The following AFF3 variants were observed in gnomAD, a reference collection of about 807,000 sequenced individuals.
AFF3 encodes the protein ALF transcription elongation factor 3.
A neutral mutation model predicts 129.7 loss-of-function variants in AFF3; 32 were observed. The observed-to-expected ratio is 0.25, with a 90% CI of 0.19 to 0.33. The LOEUF (loss-of-function observed/expected upper bound fraction) is 0.33, where lower values mean the gene tolerates loss of function less well. Ranked by LOEUF, AFF3 falls within the 10% of genes least tolerant of loss-of-function variation. AFF3 has a pLI of 1.00. For missense variants in AFF3, 1,373 were observed against 1,592.0 expected, an observed-to-expected ratio of 0.86 and a Z score of 2.34; for synonymous variants, 644 against 635.4, an observed-to-expected ratio of 1.01 and a Z score of -0.20.
chr2:99,559,013 C>T (rs1301141939), intron 21 of AFF3, 45 bp from the exon 22 acceptor site: 2 of 1,560,036 alleles, frequency 1.3e-6, no homozygotes, highest in East Asian at 2.2e-5. Context: ...CTGAGTGCGT[C>T]GTGCGCAAAC....
intron 8 of AFF3, among the ~76,000 whole-genome samples, chr2:99,779,927 G>A (rs952009410): frequency 2.0e-5 from 3 of 152,154 alleles, no homozygotes; most frequent in African/African-American, 4.8e-5. Context: ...TCACATGCAC[G>A]GAGAGAGTGT....
chr2:99,851,028 CATA>C (rs1005389330), intron 7 of AFF3, among the ~76,000 whole-genome samples: 41 of 152,284 alleles, frequency 2.7e-4, no homozygotes, highest in Middle Eastern at 3.4e-3. Context: ...TCCATAAAAA[CATA>C]ATGAGAAGAA....
chr2:99,709,540 C>G (rs1162985674), intron 11 of AFF3, among the ~76,000 whole-genome samples: 1 of 152,092 alleles, frequency 6.6e-6, no homozygotes, highest in Non-Finnish European at 1.5e-5. Flanking sequence ...AGATTTTTCT[C>G]TTGCAGTCAA....
chr2:100,114,838 C>T (rs1237729378), intron 2 of AFF3, among the ~76,000 whole-genome samples: 1 of 152,148 alleles, frequency 6.6e-6, no homozygotes. Flanking sequence ...TGAGTTCATT[C>T]CAAAATGAAA....
In AFF3 at chr2:99,679,363, G is replaced by A. The variant is rs116139030; in HGVS notation, c.1092-6774C>T. On this transcript the variant is annotated intron_variant, in intron 11 of 24. Coordinates refer to ENST00000672756, the MANE Select transcript of AFF3 (RefSeq NM_001386135.1). ...GTTTATGACCTTATTTTTAGTTAGGGACAGCAACTTCTGATGGTCCTTTTC... is the reference window on the plus strand; with the variant it reads ...GTTTATGACCTTATTTTTAGTTAGGAACAGCAACTTCTGATGGTCCTTTTC... Among the ~76,000 whole-genome samples the A allele has an allele frequency of 5.4e-3, 821 of 152,186 alleles. 5 individuals are homozygous for A. The highest frequency in any genetic ancestry group is 0.013 in the Admixed American group (195 of 15,284).
chr2:99,556,648 T>C lies in AFF3; in HGVS notation c.3286-1916A>G, dbSNP rs148050922. Among the ~76,000 whole-genome samples, 883 of 152,158 alleles carry C rather than the reference T, an allele frequency of 5.8e-3. 5 individuals carry two copies. The highest frequency in any genetic ancestry group is 0.02 in the African/African-American group (834 of 41,522). ...CATTTAAATAGCCCTTGAGGCTGGGTGTATGGCTCACATTGGTAATCCTAG... is the reference window on the plus strand; with the variant it reads ...CATTTAAATAGCCCTTGAGGCTGGGCGTATGGCTCACATTGGTAATCCTAG... On this transcript the variant is annotated intron_variant, in intron 22 of 24. Coordinates refer to ENST00000672756, the MANE Select transcript of AFF3 (RefSeq NM_001386135.1).
chr2:99,964,849 T>C (rs1677586422), intron 7 of AFF3, among the ~76,000 whole-genome samples: 2 of 152,234 alleles, frequency 1.3e-5, no homozygotes, highest in Non-Finnish European at 2.9e-5. Flanking sequence ...ATGCTCATGA[T>C]TGTGTTGTAA....
chr2:99,946,903 GTCAC>G (rs1336259566), intron 7 of AFF3, among the ~76,000 whole-genome samples: 1 of 152,146 alleles, frequency 6.6e-6, no homozygotes, highest in Non-Finnish European at 1.5e-5. Flanking sequence ...TCATTTGTGT[GTCAC>G]TCAAAGGGCC....
rs542471448 is a variant in AFF3 at position 100,008,727 on chromosome 2, G to A, written c.174+85C>T. ...ACAGAAGATGCAGTCAAGTTTGGTCGGCCAATTCTTTTAGTCAAGGCCACC... is the reference window on the plus strand; with the variant it reads ...ACAGAAGATGCAGTCAAGTTTGGTCAGCCAATTCTTTTAGTCAAGGCCACC... On this transcript the variant is annotated intron_variant, in intron 5 of 24. Coordinates refer to ENST00000672756, the MANE Select transcript of AFF3 (RefSeq NM_001386135.1). The A allele has an allele frequency of 4.3e-5, 64 of 1,493,688 alleles. 1 individual carries two copies. The highest frequency in any genetic ancestry group is 3.6e-4 in the African/African-American group (26 of 72,116). The allele number at this position is 1,493,688 out of a possible 1,614,324, so 92.5% of individuals were successfully genotyped here.
chr2:99,804,248 A>G (rs1210131419), intron 8 of AFF3, among the ~76,000 whole-genome samples: 1 of 152,218 alleles, frequency 6.6e-6, no homozygotes, highest in Non-Finnish European at 1.5e-5. Flanking sequence ...AAGAAAAACC[A>G]AATAATCCCA....
At chr2:99,763,499 G>A (rs1046028180) in intron 8 of AFF3, among the ~76,000 whole-genome samples, 1 of 152,154 alleles carries the variant, frequency 6.6e-6, no homozygotes, top group African/African-American at 2.4e-5. Context: ...CGTGAACTAT[G>A]ATTGCACCAC....
At chr2:99,959,723 G>T (rs1677042891) in intron 7 of AFF3, among the ~76,000 whole-genome samples, 1 of 136,514 alleles carries the variant, frequency 7.3e-6, no homozygotes, top group African/African-American at 2.9e-5. Context: ...ATATATATAT[G>T]CGATTATTGG....
intron 13 of AFF3, among the ~76,000 whole-genome samples, chr2:99,610,208 A>G (rs1026568641): frequency 1.3e-5 from 2 of 152,138 alleles, no homozygotes; most frequent in African/African-American, 4.8e-5. Flanking sequence ...CACCACCACG[A>G]TTAAAATGTA....
At chr2:99,670,170 C>G (rs1462456224) in intron 12 of AFF3, among the ~76,000 whole-genome samples, 9 of 152,172 alleles carry the variant, frequency 5.9e-5, no homozygotes, top group Admixed American at 6.5e-5. Flanking sequence ...AACCACTAAA[C>G]TAGACTGTCT....
chr2:99,993,786 C>CT (rs1465177422), intron 7 of AFF3, among the ~76,000 whole-genome samples: 2 of 122,552 alleles, frequency 1.6e-5, no homozygotes, highest in African/African-American at 3.0e-5. Context: ...TGTACAAACA[C>CT]TTTATCTTTT....
At chr2:99,831,600 T>C in intron 8 of AFF3, among the ~76,000 whole-genome samples, 1 of 90,784 alleles carries the variant, frequency 1.1e-5, no homozygotes, top group African/African-American at 3.0e-5. Context: ...TAAAAAACAC[T>C]GCAATCGAAA....
intron 13 of AFF3, among the ~76,000 whole-genome samples, chr2:99,621,925 A>G (rs1410045754): frequency 6.6e-6 from 1 of 152,058 alleles, no homozygotes; most frequent in African/African-American, 2.4e-5. Context: ...CACGGGGAGG[A>G]ACCATTTATC....
At chr2:99,850,923 T>C (rs751796033) in intron 7 of AFF3, among the ~76,000 whole-genome samples, 4 of 152,210 alleles carry the variant, frequency 2.6e-5, no homozygotes, top group African/African-American at 4.8e-5. Context: ...CAATAAAGTA[T>C]TCAACATGAA....
chr2:100,134,187 A>G (rs765761234), intron 1 of AFF3, among the ~76,000 whole-genome samples: 2 of 152,224 alleles, frequency 1.3e-5, no homozygotes, highest in Admixed American at 6.5e-5. Context: ...GGCTTTTGAC[A>G]GCTACTACAG....
Sources: allele counts gnomAD v4.1 joint callset (sites outside exome capture counted in the v4.1 genomes callset), GRCh38; gene constraint gnomAD v4.1.1; transcripts MANE v1.5; gene names NCBI Gene and HGNC (gene_info 2026-07-23, HGNC 2026-07-21).